The following GGTA1 variants were observed in gnomAD, a reference collection of about 807,000 sequenced individuals.
GGTA1 encodes the protein glycoprotein alpha-galactosyltransferase 1 (inactive).
In GGTA1, 5 loss-of-function variants were observed where a neutral mutation model predicts 2.6. That is an observed-to-expected ratio of 1.92 (90% CI 1.00 to 4.04). GGTA1 has a LOEUF of 4.04. GGTA1 is among the 30% of genes most tolerant of loss of function. GGTA1 has a pLI of 0.00. For synonymous variants in GGTA1, 17 were observed against 5.0 expected (o/e 3.38, Z -3.19); for missense variants, 50 against 16.7 (o/e 2.99, Z -3.47).
At chr9:121,471,437 T>G (rs1480023288) in intron 1 of GGTA1, among the ~76,000 whole-genome samples, 10 of 152,214 alleles carry the variant, frequency 6.6e-5, no homozygotes, top group Non-Finnish European at 1.5e-4. Flanking sequence ...TGAAATCAAA[T>G]AAGAATGATA....
In GGTA1 at chr9:121,455,419, A is replaced by G. The variant is rs79335010; in HGVS notation, c.*418T>C. 6.6e-6 allele frequency: 1 copy of G among 152,556 alleles called. No homozygotes were observed. Among genetic ancestry groups the G allele is most frequent in the African/African-American group, 2.4e-5 (1 of 41,458 alleles). 9.5% of individuals were successfully genotyped at this position (152,556 alleles called of 1,614,324 possible). ...TAAAAAAGGAAAAGGAGGAATAGGT[A>G]TACTTATTTAATACTTATTGTGCAC... On this transcript the variant is annotated 3_prime_UTR_variant, in exon 6 of 6. Coordinates refer to ENST00000481799, the MANE Select transcript of GGTA1 (RefSeq NM_001382585.1).
chr9:121,473,940 GGA>G (rs761577056), intron 1 of GGTA1, among the ~76,000 whole-genome samples: 7 of 122,424 alleles, frequency 5.7e-5, no homozygotes, highest in Admixed American at 9.0e-5. Context: ...AAAGAGAGAA[GGA>G]GAGAGAGAGA....
intron 1 of GGTA1, among the ~76,000 whole-genome samples, chr9:121,473,964 G>A (rs936773163): frequency 1.5e-5 from 2 of 136,788 alleles, no homozygotes; most frequent in South Asian, 2.3e-4. Context: ...AGAGAGGGAG[G>A]GAGGGAGGGA....
At chr9:121,481,053 T>C (rs1828633445) in intron 1 of GGTA1, among the ~76,000 whole-genome samples, 1 of 148,006 alleles carries the variant, frequency 6.8e-6, no homozygotes, top group African/African-American at 2.5e-5. Flanking sequence ...CTCGGGAGGC[T>C]GAGGCAGGAG....
At chr9:121,454,247 GCACCAA>G (rs2064893782), downstream of GGTA1, among the ~76,000 whole-genome samples, 1 of 152,164 alleles carries the variant, frequency 6.6e-6, no homozygotes, top group African/African-American at 2.4e-5. Context: ...TGTGCACTCT[GCACCAA>G]CCTGTGCCAG....
intron 1 of GGTA1, among the ~76,000 whole-genome samples, chr9:121,491,434 A>C (rs999542423): frequency 6.6e-6 from 1 of 151,988 alleles, no homozygotes; most frequent in African/African-American, 2.4e-5. Flanking sequence ...AGGACGATTG[A>C]TTCTCCTTGC....
At chr9:121,448,857 T>C (rs1171012575) in intron 7 of GGTA1, among the ~76,000 whole-genome samples, 1 of 152,214 alleles carries the variant, frequency 6.6e-6, no homozygotes, top group Non-Finnish European at 1.5e-5. Context: ...TAGGGTTCAC[T>C]CTTGGTGTGG....
At chr9:121,497,743 A>G (rs1406873067) in intron 1 of GGTA1, among the ~76,000 whole-genome samples, 1 of 152,116 alleles carries the variant, frequency 6.6e-6, no homozygotes, top group Admixed American at 6.6e-5. Flanking sequence ...TTTTACCTCA[A>G]CCTGTGAGAC....
intron 1 of GGTA1, among the ~76,000 whole-genome samples, chr9:121,497,303 T>C (rs527798121): frequency 6.6e-6 from 1 of 152,326 alleles, no homozygotes; most frequent in Admixed American, 6.5e-5. Flanking sequence ...TATACCTCTA[T>C]TAATGTCCAG....
chr9:121,496,096 A>G (rs921177126), intron 1 of GGTA1, among the ~76,000 whole-genome samples: 1 of 152,182 alleles, frequency 6.6e-6, no homozygotes, highest in African/African-American at 2.4e-5. Context: ...TTGATTCCCC[A>G]TTGCTCACAA....
intron 1 of GGTA1, among the ~76,000 whole-genome samples, chr9:121,473,049 C>T (rs1471288405): frequency 2.6e-5 from 4 of 152,092 alleles, no homozygotes; most frequent in East Asian, 3.9e-4. Flanking sequence ...ATTGGATGAC[C>T]GGGTGCAAAC....
intron 1 of GGTA1, among the ~76,000 whole-genome samples, chr9:121,485,476 A>C (rs1828738996): frequency 6.6e-6 from 1 of 152,236 alleles, no homozygotes; most frequent in Non-Finnish European, 1.5e-5. Context: ...TAAAGTGTCT[A>C]GCATTATATT....
intron 2 of GGTA1, among the ~76,000 whole-genome samples, chr9:121,465,004 AC>A (rs773421693): frequency 0.076 from 10,043 of 132,388 alleles, 799 homozygotes; most frequent in Non-Finnish European, 0.1. Context: ...AACAAAACAA[AC>A]AAAAAAAAAA....
At chr9:121,451,975 C>A (rs1299156803), downstream of GGTA1, 1 of 152,188 alleles carries the variant, frequency 6.6e-6, no homozygotes, top group Non-Finnish European at 1.5e-5. Flanking sequence ...TTGTTCTCAG[C>A]ATTTTAGGGC....
intron 1 of GGTA1, among the ~76,000 whole-genome samples, chr9:121,498,970 G>A (rs1277908719): frequency 2.0e-5 from 3 of 151,636 alleles, no homozygotes; most frequent in Non-Finnish European, 4.4e-5. Flanking sequence ...TTCCAAACGC[G>A]GGGTGGTGTC....
At chr9:121,473,318 T>TAAAA (rs1448895800) in intron 1 of GGTA1, among the ~76,000 whole-genome samples, 1 of 13,034 alleles carries the variant, frequency 7.7e-5, no homozygotes, top group African/African-American at 2.9e-4. Context: ...AGACTCCATC[T>TAAAA]CAAAAAAAAA....
At chr9:121,481,712 A>T (rs1332243110) in intron 1 of GGTA1, among the ~76,000 whole-genome samples, 1 of 144,994 alleles carries the variant, frequency 6.9e-6, no homozygotes, top group Non-Finnish European at 1.5e-5. Flanking sequence ...AAGAATAAAA[A>T]GTGGCCAGGC....
rs1351254924 is a variant in GGTA1 at position 121,476,231 on chromosome 9, A to T, written c.-9-8300T>A. 1.3e-5 allele frequency among the ~76,000 whole-genome samples: 2 copies of T among 152,172 alleles called. No individual in the cohort carries two copies. The highest frequency in any genetic ancestry group is 2.9e-5 in the Non-Finnish European group (2 of 68,018). ...CCACACGCCAACTGCATGTTGTGAT[A>T]AAGTCAGCTCCATGCCCTGCTCTAT... On this transcript the variant is annotated intron_variant, in intron 1 of 5. Coordinates refer to ENST00000481799, the MANE Select transcript of GGTA1 (RefSeq NM_001382585.1). This position sits in a 1 kb window ranked among gnomAD's most constrained non-coding sequence, Gnocchi z 4.6.
rs979134861 is a variant in GGTA1 at position 121,479,088 on chromosome 9, C to A, written c.-9-11157G>T. 1 of 456,518 alleles carries A rather than the reference C, an allele frequency of 2.2e-6. No individual in the cohort carries two copies. The highest frequency in any genetic ancestry group is 4.4e-6 in the Non-Finnish European group (1 of 226,974). The allele number at this position is 456,518 out of a possible 1,614,324, so 28.3% of individuals were successfully genotyped here. ...TACAGTGAAGTCCCTGAGCCGGCAT[C>A]CTTCTTCCAGGTCCACTGCTGGAGA... On this transcript the variant is annotated intron_variant, in intron 1 of 5. Coordinates refer to ENST00000481799, the MANE Select transcript of GGTA1 (RefSeq NM_001382585.1).
Sources: allele counts gnomAD v4.1 joint callset (sites outside exome capture counted in the v4.1 genomes callset), GRCh38; gene constraint gnomAD v4.1.1; non-coding constraint Gnocchi (gnomAD v3.1); transcripts MANE v1.5; gene names NCBI Gene and HGNC (gene_info 2026-07-23, HGNC 2026-07-21).